Variants in ABCC1 observed in about 807,000 individuals in gnomAD.
ABCC1 encodes multidrug resistance-associated protein 1.
ABCC1 carries 83 observed loss-of-function variants against 172.9 expected under a neutral mutation model. The ratio of observed to expected loss-of-function variants is 0.48; its 90% CI spans 0.40 to 0.58. The LOEUF is 0.58. Ranked by LOEUF, ABCC1 falls within the 20% of genes least tolerant of loss-of-function variation. ABCC1 has a pLI of 0.00. For synonymous variants in ABCC1, 937 were observed against 825.2 expected, an observed-to-expected ratio of 1.14 and a Z score of -2.32; for missense variants, 1,817 against 2,002.7, an observed-to-expected ratio of 0.91 and a Z score of 1.77.
intron 5 of ABCC1, among the ~76,000 whole-genome samples, chr16:16,031,499 A>T (rs189654423): frequency 3.2e-4 from 49 of 152,242 alleles, no homozygotes; most frequent in African/African-American, 1.2e-3. Context: ...AGAATCTCTC[A>T]GTACTTCCCA....
chr16:16,106,058 G>A (rs1438987639), intron 20 of ABCC1, among the ~76,000 whole-genome samples: 2 of 151,906 alleles, frequency 1.3e-5, no homozygotes, highest in African/African-American at 4.8e-5. Context: ...TGTATTTTTA[G>A]TAGAGACGGG....
chr16:16,071,386 C>T (rs1280968552), intron 13 of ABCC1, among the ~76,000 whole-genome samples: 2 of 152,040 alleles, frequency 1.3e-5, no homozygotes, highest in Admixed American at 6.6e-5. Context: ...GTTTGAGCTA[C>T]CGTGCCCAGC....
intron 29 of ABCC1, among the ~76,000 whole-genome samples, chr16:16,137,277 G>A (rs1246078095): frequency 6.6e-6 from 1 of 152,166 alleles, no homozygotes; most frequent in Non-Finnish European, 1.5e-5. Flanking sequence ...GCTGTTGGCT[G>A]ATCTCGGGGT....
At chr16:16,106,610 G>A in intron 20 of ABCC1, 128 bp from the exon 21 acceptor site, 1 of 1,067,766 alleles carries the variant, frequency 9.4e-7, no homozygotes, top group Non-Finnish European at 1.4e-6. Flanking sequence ...ATGTTTACAT[G>A]TGTGCATGTG....
intron 1 of ABCC1, among the ~76,000 whole-genome samples, chr16:16,002,352 G>A (rs1298749940): frequency 6.6e-6 from 1 of 152,154 alleles, no homozygotes; most frequent in Admixed American, 6.6e-5. Context: ...AGCAACCCAT[G>A]ATCATTGCCT....
intron 1 of ABCC1, among the ~76,000 whole-genome samples, chr16:15,994,573 A>G (rs1438798978): frequency 6.6e-6 from 1 of 152,044 alleles, no homozygotes; most frequent in Non-Finnish European, 1.5e-5. Context: ...GAAATGTCCT[A>G]CCCTTCAATT....
At chr16:16,026,156 GTGCAGTGGCTCA>G (rs2048360480) in intron 5 of ABCC1, among the ~76,000 whole-genome samples, 1 of 152,128 alleles carries the variant, frequency 6.6e-6, no homozygotes, top group Non-Finnish European at 1.5e-5. Context: ...TCCAGGCCGG[GTGCAGTGGCTCA>G]TGCCTGTAAT....
intron 17 of ABCC1, among the ~76,000 whole-genome samples, chr16:16,084,664 C>A (rs560599582): frequency 2.0e-5 from 3 of 147,200 alleles, no homozygotes; most frequent in Non-Finnish European, 3.0e-5. Flanking sequence ...CTCTCTCTGT[C>A]GCCCAGGCTA....
intron 1 of ABCC1, among the ~76,000 whole-genome samples, chr16:15,991,838 G>A (rs897927588): frequency 2.6e-5 from 4 of 152,038 alleles, no homozygotes; most frequent in Non-Finnish European, 4.4e-5. Context: ...AATGGCTGCA[G>A]CCTCCTTTCC....
chr16:16,127,778 C>T (rs1205228696), intron 26 of ABCC1, among the ~76,000 whole-genome samples: 2 of 152,202 alleles, frequency 1.3e-5, no homozygotes, highest in Non-Finnish European at 2.9e-5. Flanking sequence ...AACATTCTGA[C>T]TGGGTGAACC....
chr16:15,950,575 C>T (rs866996693), intron 1 of ABCC1, among the ~76,000 whole-genome samples: 1 of 152,146 alleles, frequency 6.6e-6, no homozygotes, highest in African/African-American at 2.4e-5. Flanking sequence ...TCTTCTGTAA[C>T]GTGGCCTGCG....
chr16:15,969,204 A>G (rs947463439), intron 1 of ABCC1, among the ~76,000 whole-genome samples: 2 of 152,180 alleles, frequency 1.3e-5, no homozygotes, highest in African/African-American at 4.8e-5. Context: ...ACTCTGTCTC[A>G]GAAAAACAAA....
intron 30 of ABCC1, among the ~76,000 whole-genome samples, chr16:16,139,192 C>T (rs996542329): frequency 2.0e-5 from 3 of 152,220 alleles, no homozygotes; most frequent in Non-Finnish European, 4.4e-5. Flanking sequence ...TTCCAGAGGG[C>T]AGCAGGTGCT....
intron 20 of ABCC1, among the ~76,000 whole-genome samples, chr16:16,103,204 C>T (rs985278776): frequency 2.0e-5 from 3 of 151,996 alleles, no homozygotes; most frequent in African/African-American, 7.2e-5. Context: ...GAAGTATGCT[C>T]GTGTTTGATT....
chr16:16,080,870 T>C (rs2050779502), intron 16 of ABCC1, among the ~76,000 whole-genome samples: 1 of 45,370 alleles, frequency 2.2e-5, no homozygotes, highest in Non-Finnish European at 5.2e-5. Context: ...ACGTTGTTTG[T>C]TGTTGTGGGT....
chr16:16,129,547 T>G (rs1014231840), intron 26 of ABCC1, among the ~76,000 whole-genome samples: 1 of 151,452 alleles, frequency 6.6e-6, no homozygotes, highest in Non-Finnish European at 1.5e-5. Context: ...TTGTTTTTTT[T>G]TTTTTGAGAC....
At chr16:16,090,662 T>A in intron 19 of ABCC1, 74 bp downstream of exon 19, 1 of 1,441,478 alleles carries the variant, frequency 6.9e-7, no homozygotes. Context: ...CTCTTTGAGG[T>A]TGCCACCAGC....
intron 14 of ABCC1, 116 bp downstream of exon 14, chr16:16,071,845 G>A (rs1309741847): frequency 1.3e-5 from 12 of 929,444 alleles, no homozygotes; most frequent in South Asian, 7.5e-5. Flanking sequence ...CTGCCCAGCC[G>A]CTTGTCTGCG....
intron 1 of ABCC1, among the ~76,000 whole-genome samples, chr16:15,974,386 CA>C (rs1198081557): frequency 2.2e-4 from 8 of 36,310 alleles, no homozygotes; most frequent in Non-Finnish European, 3.7e-4. Context: ...CAATGATGCT[CA>C]GACCCCCATT....
Sources: gnomAD v4.1 joint callset for allele counts (sites outside exome capture counted in the v4.1 genomes callset) on GRCh38, gnomAD v4.1.1 for gene constraint, MANE v1.5 for transcripts, NCBI Gene and HGNC (gene_info 2026-07-23, HGNC 2026-07-21) for gene names.